Variants in LEMD3 observed in about 807,000 individuals in gnomAD.
LEMD3 encodes the protein inner nuclear membrane protein Man1.
Under a neutral mutation model 95.2 loss-of-function variants are expected in LEMD3, and 33 were observed. That is an observed-to-expected ratio of 0.35 (90% CI 0.26 to 0.46). LEMD3 has a LOEUF of 0.46. Among genes scored for constraint, LEMD3 ranks in the 20% least tolerant of loss-of-function variants. The probability of loss-of-function intolerance (pLI) is 1.00; values close to 1 mark genes in which losing one functional copy is unlikely to be tolerated. For synonymous variants in LEMD3, 525 were observed against 474.6 expected (o/e 1.11, Z -1.38); for missense variants, 1,210 against 1,192.8 (o/e 1.01, Z -0.21).
At chr12:65,193,732 CTGTGTGTGTGTGTGTG>C (rs746675293) in intron 1 of LEMD3, among the ~76,000 whole-genome samples, 118 of 129,436 alleles carry the variant, frequency 9.1e-4, no homozygotes, top group East Asian at 3.6e-3. Flanking sequence ...ACATAACTGG[CTGTGTGTGTGTGTGTG>C]TGTGTGTGTG....
rs868239879 is a variant in LEMD3, at chr12:65,172,856, G to T, written c.1522+1738G>T. On this transcript the variant is annotated intron_variant, in intron 1 of 12. Coordinates refer to ENST00000308330, the MANE Select transcript of LEMD3 (RefSeq NM_014319.5). ...TTCTCCTGCCTCAGCCTCCCAAGTA[G>T]CTGGGACTACATGCGCGTGCCGCCA... Among the ~76,000 whole-genome samples the T allele has an allele frequency of 8.6e-5, 13 of 152,026 alleles. No homozygotes were observed. The South Asian group carries it at 2.7e-3, about 32-fold the overall frequency.
chr12:65,239,671 TTATATA>T (rs1419555684), intron 6 of LEMD3, among the ~76,000 whole-genome samples: 2 of 152,048 alleles, frequency 1.3e-5, no homozygotes, highest in South Asian at 2.1e-4. Context: ...TGAAACATAG[TTATATA>T]TATATATTTT....
rs1189963880 is a variant in LEMD3 at position 65,170,905 on chromosome 12, C to A, written c.1309C>A (p.Leu437Met). The A allele has an allele frequency of 6.2e-7, 1 of 1,614,216 alleles. No homozygotes were observed. The highest frequency in any genetic ancestry group is 8.5e-7 in the Non-Finnish European group (1 of 1,180,038). The change falls in exon 1 of 13, where the codon CTG becomes ATG. Residue 437 changes from leucine (L) to methionine (M), a missense_variant. Physicochemically the swap from Leu to Met is conservative, Grantham distance 15. This residue lies in a region of LEMD3 where 749 missense variants were observed against 622.9 expected (regional missense o/e 1.20). Transcript: ENST00000308330. ...ANHTGSNHTY[L>M]KNTYNKPKLS... is the part of the protein sequence containing the mutation. ...TCATACGGGCTCCAATCATACCTACCTGAAAAACACATACAACAAACCGAA... is the reference window on the plus strand; with the variant it reads ...TCATACGGGCTCCAATCATACCTACATGAAAAACACATACAACAAACCGAA...
Position 65,245,954 on chromosome 12 carries a change from T to G in LEMD3, c.2572+15T>G. On this transcript the variant is annotated intron_variant, in intron 12 of 12. Coordinates refer to ENST00000308330, the MANE Select transcript of LEMD3 (RefSeq NM_014319.5). ...TTGGTTTGATGGTAAGAAATTTGAG[T>G]ACTACAAACATTTTGAAAAGATAGT... 1.3e-6 allele frequency: 2 copies of G among 1,567,342 alleles called. No homozygotes were observed. The highest frequency in any genetic ancestry group is 1.8e-6 in the Non-Finnish European group (2 of 1,138,896).
chr12:65,218,335 G>A (rs890396187), intron 3 of LEMD3, among the ~76,000 whole-genome samples: 9 of 152,088 alleles, frequency 5.9e-5, no homozygotes, highest in African/African-American at 2.2e-4. Context: ...TGTAATGGTA[G>A]TTGTTTGTTT....
Position 65,193,226 on chromosome 12 carries a change from C to G in LEMD3, c.1523-17700C>G, listed in dbSNP as rs552021077. ...GCAAGTTTTAAAGCAGGAGTGAAAG[C>G]TTTAAAGCAGGAATGAAAGGAAGTA... On this transcript the variant is annotated intron_variant, in intron 1 of 12. Transcript: ENST00000308330. 5.9e-5 allele frequency among the ~76,000 whole-genome samples: 9 copies of G among 152,204 alleles called. No homozygotes were observed. The East Asian group carries it at 1.7e-3, about 29-fold the overall frequency.
Position 65,182,841 on chromosome 12 carries a change from A to G in LEMD3, c.1522+11723A>G, listed in dbSNP as rs551472801. 1.3e-4 allele frequency among the ~76,000 whole-genome samples: 20 copies of G among 152,308 alleles called. No individual in the cohort carries two copies. The South Asian group carries it at 1.9e-3, about 14-fold the overall frequency. On this transcript the variant is annotated intron_variant, in intron 1 of 12. Transcript: ENST00000308330. ...GTTAATACTGTGTGAAGAACAGACA[A>G]TGCATACAGTTGATACAGAAAGGTG...
chr12:65,183,711 G>A (rs1868976040), intron 1 of LEMD3, among the ~76,000 whole-genome samples: 1 of 152,136 alleles, frequency 6.6e-6, no homozygotes, highest in Non-Finnish European at 1.5e-5. Flanking sequence ...ACTAGCGTTT[G>A]GGCAGGTAGG....
At chr12:65,211,864 A>T (rs1041122325) in intron 2 of LEMD3, among the ~76,000 whole-genome samples, 2 of 152,214 alleles carry the variant, frequency 1.3e-5, no homozygotes, top group African/African-American at 4.8e-5. Context: ...TTCCCCAAGG[A>T]AGAAACTGAA....
At chr12:65,188,027 G>C (rs1339777712) in intron 1 of LEMD3, among the ~76,000 whole-genome samples, 3 of 151,976 alleles carry the variant, frequency 2.0e-5, no homozygotes, top group Non-Finnish European at 2.9e-5. Flanking sequence ...TTACTGACTT[G>C]GTCCAGAAAA....
intron 1 of LEMD3, among the ~76,000 whole-genome samples, chr12:65,201,324 T>A (rs894232247): frequency 2.0e-5 from 3 of 152,186 alleles, no homozygotes; most frequent in African/African-American, 7.2e-5. Context: ...TTTAACAGTA[T>A]CCCGAAAATA....
chr12:65,203,390 A>G (rs578137849), intron 1 of LEMD3, among the ~76,000 whole-genome samples: 82 of 152,278 alleles, frequency 5.4e-4, no homozygotes, highest in African/African-American at 1.9e-3. Flanking sequence ...AAGTGTCTCA[A>G]GATTTCTTTG....
chr12:65,222,903 G>T (rs1454726243), intron 4 of LEMD3, among the ~76,000 whole-genome samples: 1 of 151,876 alleles, frequency 6.6e-6, no homozygotes, highest in Non-Finnish European at 1.5e-5. Context: ...TCCAATGCTT[G>T]TTCTAGGAGA....
chr12:65,170,344 G>T lies in LEMD3; in HGVS notation c.748G>T (p.Val250Phe), dbSNP rs1232441913. The T allele has an allele frequency of 5.0e-6, 8 of 1,607,670 alleles. No individual in the cohort carries two copies. The highest frequency in any genetic ancestry group is 6.8e-6 in the Non-Finnish European group (8 of 1,177,170). The change falls in exon 1 of 13, where the codon GTC becomes TTC. Residue 250 changes from valine (V) to phenylalanine (F), a missense_variant. Around this residue, in one of 2 missense-constraint regions of LEMD3, gnomAD observed 749 missense variants for 622.9 expected, o/e 1.20. Coordinates refer to ENST00000308330, the MANE Select transcript of LEMD3 (RefSeq NM_014319.5). ...CCGGACCGTGAATGGCAGCCGGCTT[G>T]TCCCCTACAGCTGCCGGGAAAACTA... ...ASRTVNGSRL[V>F]PYSCRENYSD... is the part of the protein sequence containing the mutation.
intron 1 of LEMD3, among the ~76,000 whole-genome samples, chr12:65,210,294 A>C (rs1247642926): frequency 6.6e-6 from 1 of 152,022 alleles, no homozygotes; most frequent in East Asian, 1.9e-4. Flanking sequence ...AGGATTAGGA[A>C]GGTGGATTTT....
At chr12:65,198,724 A>G (rs1470327496) in intron 1 of LEMD3, among the ~76,000 whole-genome samples, 1 of 152,162 alleles carries the variant, frequency 6.6e-6, no homozygotes, top group African/African-American at 2.4e-5. Flanking sequence ...AATCATCTTT[A>G]GATTACTTAT....
chr12:65,215,176 C>A (rs1723076724), intron 2 of LEMD3, among the ~76,000 whole-genome samples: 1 of 152,164 alleles, frequency 6.6e-6, no homozygotes, highest in East Asian at 1.9e-4. Context: ...AGAAATATAA[C>A]CAATGCTTTC....
chr12:65,189,339 T>C (rs1439370122), intron 1 of LEMD3, among the ~76,000 whole-genome samples: 1 of 152,158 alleles, frequency 6.6e-6, no homozygotes, highest in African/African-American at 2.4e-5. Flanking sequence ...AATAAAAAGG[T>C]TGATGGCTAG....
intron 4 of LEMD3, among the ~76,000 whole-genome samples, chr12:65,236,066 A>G (rs1592460901): frequency 6.6e-6 from 1 of 152,354 alleles, no homozygotes; most frequent in East Asian, 1.9e-4. Flanking sequence ...CAAATTTGAT[A>G]CATTAGAATA....
Sources: gnomAD v4.1 joint callset for allele counts (sites outside exome capture counted in the v4.1 genomes callset) on GRCh38, gnomAD v4.1.1 for gene constraint, gnomAD v4.1.1 regional missense constraint, MANE v1.5 for transcripts, NCBI Gene and HGNC (gene_info 2026-07-23, HGNC 2026-07-21) for gene names.